LRRC37B: variants seen among roughly 807,000 people sequenced by gnomAD.
LRRC37B encodes the protein leucine rich repeat containing 37B.
Under a neutral mutation model 98.3 loss-of-function variants are expected in LRRC37B, and 28 were observed. The observed-to-expected ratio is 0.28, with a 90% confidence interval of 0.21 to 0.39. The LOEUF is 0.39. LRRC37B is among the 10% of genes least tolerant of loss of function. The pLI, the probability that LRRC37B is intolerant of heterozygous loss-of-function variation, is 1.00. For missense variants in LRRC37B, 938 were observed against 1,182.7 expected (o/e 0.79, Z 3.03); for synonymous variants, 364 against 442.7 (o/e 0.82, Z 2.23).
chr17:32,027,119 A>C lies in LRRC37B; in HGVS notation c.1833-650A>C, dbSNP rs1910976717. The stretch of plus-strand genomic sequence containing the variant: ...AGTTCTCAAATTTTTTTGATGGGGG[A>C]AAAATGTTGAATGGCTTCACTTGCA... On this transcript the variant is annotated intron_variant, in intron 2 of 11. Coordinates refer to ENST00000327564, the Ensembl canonical transcript of LRRC37B. 3.9e-5 allele frequency among the ~76,000 whole-genome samples: 6 copies of C among 152,140 alleles called. No individual in the cohort carries two copies. The South Asian group carries it at 1.2e-3, about 32-fold the overall frequency.
chr17:32,021,671 A>G, exon 1 of LRRC37B: 4 of 1,614,246 alleles, frequency 2.5e-6, no homozygotes, highest in Non-Finnish European at 2.5e-6. Context: ...TTGTTCCACT[A>G]GACAGTAAGG....
At chr17:32,026,488 G>T (rs1158516797) in intron 2 of LRRC37B, among the ~76,000 whole-genome samples, 3 of 152,174 alleles carry the variant, frequency 2.0e-5, no homozygotes, top group African/African-American at 7.2e-5. Flanking sequence ...GAGTTCACTG[G>T]TGCGATCTTG....
intron 7 of LRRC37B, chr17:32,041,316 C>T (rs1179222320): frequency 7.9e-6 from 6 of 756,544 alleles, no homozygotes; most frequent in Middle Eastern, 4.6e-4. Flanking sequence ...CATCTGGACT[C>T]CTAGCAGGAG....
intron 2 of LRRC37B, among the ~76,000 whole-genome samples, chr17:32,027,548 C>T (rs563712395): frequency 2.7e-5 from 4 of 146,636 alleles, no homozygotes; most frequent in African/African-American, 1.0e-4. Flanking sequence ...TGTGTGCCTG[C>T]AAATGTGTGT....
intron 7 of LRRC37B, chr17:32,040,266 G>A (rs558544868): frequency 3.6e-4 from 94 of 258,060 alleles, no homozygotes; most frequent in African/African-American, 5.4e-4. Flanking sequence ...ACAATCCTGC[G>A]AACAGATCTA....
intron 11 of LRRC37B, chr17:32,052,973 G>T (rs1272012004): frequency 1.8e-5 from 5 of 281,918 alleles, no homozygotes; most frequent in African/African-American, 2.3e-5. Context: ...AAGTATATGG[G>T]GGGGGGTGTG....
At chr17:32,047,642 A>G (rs1259906077) in intron 8 of LRRC37B, 119 bp from the exon 12 acceptor site, 1 of 1,455,258 alleles carries the variant, frequency 6.9e-7, no homozygotes, top group Non-Finnish European at 9.6e-7. Flanking sequence ...TCCTCTCTGA[A>G]TGGCACTCGA....
intron 6 of LRRC37B, among the ~76,000 whole-genome samples, 163 bp from the exon 10 acceptor site, chr17:32,035,402 C>A (rs577046198): frequency 1.3e-5 from 2 of 152,190 alleles, no homozygotes; most frequent in South Asian, 2.1e-4. Flanking sequence ...ACTTAAATTT[C>A]TTTAATAAGA....
chr17:32,042,710 T>C (rs1911477427), intron 7 of LRRC37B: 1 of 152,442 alleles, frequency 6.6e-6, no homozygotes, highest in Non-Finnish European at 1.5e-5. Context: ...TGCACCCTCG[T>C]GGTCGGCAGT....
At chr17:32,019,407 G>T (rs1400366580), upstream of LRRC37B, among the ~76,000 whole-genome samples, 2 of 152,202 alleles carry the variant, frequency 1.3e-5, no homozygotes, top group Admixed American at 6.5e-5. Context: ...CTATGTTTGT[G>T]TAAGTATACA....
chr17:32,050,221 A>G (rs1157912538), intron 11 of LRRC37B, 114 bp downstream of exon 14: 1 of 710,204 alleles, frequency 1.4e-6, no homozygotes, highest in South Asian at 1.5e-5. Flanking sequence ...TTCTTCTGTC[A>G]TTTAAGGCTG....
At chr17:32,021,693 A>G in exon 1 of LRRC37B, 1 of 1,614,272 alleles carries the variant, frequency 6.2e-7, no homozygotes, top group Non-Finnish European at 8.5e-7. Flanking sequence ...TTCAAGACCA[A>G]CCAAATTTGT....
At chr17:32,034,292 A>T (rs920225732) in intron 5 of LRRC37B, among the ~76,000 whole-genome samples, 1 of 152,060 alleles carries the variant, frequency 6.6e-6, no homozygotes, top group African/African-American at 2.4e-5. Context: ...ACCTGAGGTT[A>T]GGAGTTGGAG....
intron 7 of LRRC37B, chr17:32,040,881 G>C: frequency 1.2e-6 from 1 of 868,616 alleles, no homozygotes; most frequent in Non-Finnish European, 2.0e-6. Context: ...AGACCTGAAG[G>C]GGATCCAGCA....
At chr17:32,013,252 A>G (rs1348237926) in intron 1 of LRRC37B, among the ~76,000 whole-genome samples, 1 of 152,090 alleles carries the variant, frequency 6.6e-6, no homozygotes, top group African/African-American at 2.4e-5. Flanking sequence ...GCATCTGCCC[A>G]CCTCAGCCTC....
chr17:32,009,948 TTTC>T (rs1910490858), intron 1 of LRRC37B, among the ~76,000 whole-genome samples: 1 of 152,232 alleles, frequency 6.6e-6, no homozygotes, highest in Admixed American at 6.5e-5. Context: ...GCCTGGCCAA[TTTC>T]TTCTTATTGG....
chr17:32,045,178 ATTG>A (rs1381002344), intron 7 of LRRC37B, among the ~76,000 whole-genome samples: 10 of 152,068 alleles, frequency 6.6e-5, no homozygotes, highest in African/African-American at 2.2e-4. Flanking sequence ...GTTGTAGCTT[ATTG>A]TTGTTATTCT....
intron 8 of LRRC37B, among the ~76,000 whole-genome samples, chr17:32,046,540 A>G (rs1466312300): frequency 6.6e-6 from 1 of 151,924 alleles, no homozygotes; most frequent in African/African-American, 2.4e-5. Flanking sequence ...ATAATTAATA[A>G]TGCTTGGCTA....
rs139508621 is a variant in LRRC37B at position 32,032,599 on chromosome 17, T to C, written c.2057+1141T>C. Among the ~76,000 whole-genome samples, 133 of 152,294 alleles carry C rather than the reference T, an allele frequency of 8.7e-4. 4 individuals carry two copies. In the East Asian group the frequency reaches 0.024, roughly 27 times the overall value. The stretch of plus-strand genomic sequence containing the variant: ...TTCCACCTTTCTTGTGGTTCAGAAA[T>C]CTAGTTTCACACAGTTCATTTTGAG... On this transcript the variant is annotated intron_variant, in intron 5 of 11. Transcript: ENST00000327564.
Sources: gnomAD v4.1 joint callset for allele counts (sites outside exome capture counted in the v4.1 genomes callset) on GRCh38, gnomAD v4.1.1 for gene constraint, MANE v1.5 for transcripts, NCBI Gene and HGNC (gene_info 2026-07-23, HGNC 2026-07-21) for gene names.